The following SLC1A3 variants were observed in gnomAD, a reference collection of about 807,000 sequenced individuals.
SLC1A3 encodes the protein solute carrier family 1 member 3, also known as excitatory amino acid transporter 1.
In SLC1A3, 21 loss-of-function variants were observed where a neutral mutation model predicts 48.1. The observed-to-expected ratio is 0.44, with a 90% CI of 0.31 to 0.63. The LOEUF is 0.63. Among genes scored for constraint, SLC1A3 ranks in the 20% least tolerant of loss-of-function variants. The probability of loss-of-function intolerance (pLI) is 0.08; values close to 1 mark genes in which losing one functional copy is unlikely to be tolerated. For synonymous variants in SLC1A3, 239 were observed against 251.4 expected (o/e 0.95, Z 0.47); for missense variants, 546 against 689.0 (o/e 0.79, Z 2.32).
intron 3 of SLC1A3, among the ~76,000 whole-genome samples, chr5:36,650,629 C>T (rs933500655): frequency 1.3e-4 from 20 of 152,258 alleles, no homozygotes; most frequent in Middle Eastern, 3.4e-3. Context: ...ATGATTATGT[C>T]ACCATGGTAT....
intron 2 of SLC1A3, among the ~76,000 whole-genome samples, chr5:36,622,791 C>T (rs958268625): frequency 1.3e-5 from 2 of 152,022 alleles, no homozygotes; most frequent in African/African-American, 4.8e-5. Flanking sequence ...GTGGGCAGAT[C>T]ACGAGGTCAG....
At chr5:36,611,203 T>C (rs1377866681) in intron 2 of SLC1A3, among the ~76,000 whole-genome samples, 1 of 151,796 alleles carries the variant, frequency 6.6e-6, no homozygotes, top group Non-Finnish European at 1.5e-5. Flanking sequence ...AGATAATTAT[T>C]TTCCCCCAAG....
chr5:36,682,862 G>A (rs531312216), intron 8 of SLC1A3, among the ~76,000 whole-genome samples: 86 of 152,348 alleles, frequency 5.6e-4, no homozygotes, highest in Middle Eastern at 3.4e-3. Flanking sequence ...CCAGCTAAAA[G>A]TCCCAGTATC....
At chr5:36,631,581 A>G (rs540454937) in intron 3 of SLC1A3, among the ~76,000 whole-genome samples, 1 of 152,354 alleles carries the variant, frequency 6.6e-6, no homozygotes, top group African/African-American at 2.4e-5. Context: ...CTGTAACCTA[A>G]TTGCAAGTTG....
intron 5 of SLC1A3, among the ~76,000 whole-genome samples, chr5:36,676,690 G>A (rs898234067): frequency 2.0e-5 from 3 of 151,942 alleles, no homozygotes; most frequent in African/African-American, 7.3e-5. Flanking sequence ...ATGTATTTCA[G>A]TATGTGTTTC....
chr5:36,645,319 CTTTTTTTT>C (rs68027582), intron 3 of SLC1A3, among the ~76,000 whole-genome samples: 1 of 84,300 alleles, frequency 1.2e-5, no homozygotes, highest in East Asian at 3.7e-4. Context: ...CTTCCGCTGC[CTTTTTTTT>C]TTTTTTTTTT....
Position 36,608,611 on chromosome 5 carries a change from C to A in SLC1A3, c.181+7C>A. 6.2e-7 allele frequency: 1 copy of A among 1,600,112 alleles called. No individual in the cohort carries two copies. The highest frequency in any genetic ancestry group is 1.1e-5 in the South Asian group (1 of 90,278). On this transcript the variant is annotated splice_region_variant and intron_variant, in intron 2 of 9. Coordinates refer to ENST00000265113, the MANE Select transcript of SLC1A3 (RefSeq NM_004172.5). ...GTCACCGCTGTCATTGTGGGTGAGT[C>A]ATTTGATTAAAAACAAAAAAACCTG...
intron 3 of SLC1A3, among the ~76,000 whole-genome samples, chr5:36,645,362 T>C (rs1035096312): frequency 8.5e-6 from 1 of 117,288 alleles, no homozygotes; most frequent in Non-Finnish European, 1.7e-5. Flanking sequence ...AGAGTCTCAC[T>C]CTCACCCAGG....
intron 2 of SLC1A3, among the ~76,000 whole-genome samples, chr5:36,615,468 C>T (rs1223778780): frequency 6.6e-6 from 1 of 152,202 alleles, no homozygotes; most frequent in East Asian, 1.9e-4. Flanking sequence ...TCTGGCTGGT[C>T]TCTCCAGTCT....
rs188135458 is a variant in SLC1A3 at position 36,686,363 on chromosome 5, C to T, written c.*94C>T. The T allele has an allele frequency of 1.2e-5, 12 of 973,734 alleles. No individual in the cohort carries two copies. The highest frequency in any genetic ancestry group is 1.1e-4 in the Admixed American group (6 of 55,932). The allele number at this position is 973,734 out of a possible 1,614,324, so 60.3% of individuals were successfully genotyped here. ...TACAGCTCATTCGCTCCAGCAAGCC[C>T]GTCATCTTCCCTTTCCTCCCTTCTG... On this transcript the variant is annotated 3_prime_UTR_variant, in exon 10 of 10. Transcript: ENST00000265113.
At chr5:36,645,424 T>G (rs1270219014) in intron 3 of SLC1A3, among the ~76,000 whole-genome samples, 5 of 145,320 alleles carry the variant, frequency 3.4e-5, no homozygotes, top group African/African-American at 1.3e-4. Context: ...CCTCCCAGGT[T>G]CAAGCAATTC....
intron 8 of SLC1A3, 49 bp downstream of exon 8, chr5:36,680,638 C>A: frequency 1.3e-6 from 2 of 1,522,618 alleles, no homozygotes; most frequent in African/African-American, 1.4e-5. Flanking sequence ...GCCTTTAAGG[C>A]TGGGCGTGGT....
intron 3 of SLC1A3, among the ~76,000 whole-genome samples, chr5:36,631,157 G>A (rs1223226717): frequency 2.0e-5 from 3 of 152,192 alleles, no homozygotes; most frequent in Non-Finnish European, 2.9e-5. Flanking sequence ...TACACAAACC[G>A]AGGGGTTCTG....
chr5:36,677,107 G>A lies in SLC1A3; in HGVS notation c.783G>A (p.Lys261=). The A allele has an allele frequency of 1.2e-6, 2 of 1,614,148 alleles. No homozygotes were observed. Among genetic ancestry groups the A allele is most frequent in the African/African-American group, 2.7e-5 (2 of 75,046 alleles). The change falls in exon 6 of 10, where the codon AAG becomes AAA. Residue 261 remains lysine (K), a synonymous_variant. Transcript: ENST00000265113. The part of the protein sequence containing the change: ...MCFGFVIGNM[K]EQGQALREFF... ...TCGGTTTTGTGATTGGAAACATGAA[G>A]GAACAGGGGCAGGCCCTGAGAGAGT...
At position 36,608,518 on chromosome 5, in the gene SLC1A3, A is replaced by G; in HGVS notation, c.95A>G (p.Lys32Arg). The change falls in exon 2 of 10, where the codon AAA becomes AGA. Residue 32 changes from lysine (K) to arginine (R), a missense_variant. Transcript: ENST00000265113. ...AAACGCACACTTTTGGCCAAGAAGA[A>G]AGTGCAGAACATTACAAAGGAGGAT... The part of the protein sequence containing the change: ...VRKRTLLAKK[K>R]VQNITKEDVK... 4 of 1,614,092 alleles carry G rather than the reference A, an allele frequency of 2.5e-6. No individual in the cohort carries two copies. The highest frequency in any genetic ancestry group is 3.4e-6 in the Non-Finnish European group (4 of 1,179,940).
At chr5:36,672,379 A>G (rs951879611) in intron 4 of SLC1A3, among the ~76,000 whole-genome samples, 8 of 152,154 alleles carry the variant, frequency 5.3e-5, no homozygotes, top group Non-Finnish European at 1.0e-4. Context: ...ATGACAAAGG[A>G]AAGATATCTC....
At chr5:36,607,345 A>G (rs1243104021) in intron 1 of SLC1A3, 2 of 152,128 alleles carry the variant, frequency 1.3e-5, no homozygotes, top group African/African-American at 4.8e-5. Context: ...TGATTATGGG[A>G]AGGGCTATGG....
At chr5:36,664,579 G>GA (rs988057881) in intron 3 of SLC1A3, among the ~76,000 whole-genome samples, 6 of 151,598 alleles carry the variant, frequency 4.0e-5, no homozygotes, top group African/African-American at 1.5e-4. Flanking sequence ...ACAGAGAGCT[G>GA]AAAAAAAATT....
chr5:36,684,061 C>T, intron 9 of SLC1A3, 63 bp downstream of exon 9: 2 of 1,597,236 alleles, frequency 1.3e-6, no homozygotes, highest in East Asian at 2.2e-5. Flanking sequence ...CACTCTAGGG[C>T]ACCAGGCAGC....
Sources: gnomAD v4.1 joint callset for allele counts (sites outside exome capture counted in the v4.1 genomes callset) on GRCh38, gnomAD v4.1.1 for gene constraint, MANE v1.5 for transcripts, NCBI Gene and HGNC (gene_info 2026-07-23, HGNC 2026-07-21) for gene names.